The following CBLB variants were observed in gnomAD, a reference collection of about 807,000 sequenced individuals.
CBLB encodes the protein E3 ubiquitin-protein ligase CBL-B.
A neutral mutation model predicts 104.9 loss-of-function variants in CBLB; 31 were observed. The observed-to-expected ratio is 0.30, with a 90% CI of 0.22 to 0.40. The LOEUF (loss-of-function observed/expected upper bound fraction) is 0.40, where lower values mean the gene tolerates loss of function less well. Among genes scored for constraint, CBLB ranks in the 10% least tolerant of loss-of-function variants. The pLI, the probability that CBLB is intolerant of heterozygous loss-of-function variation, is 1.00. For synonymous variants in CBLB, 440 were observed against 422.6 expected, an observed-to-expected ratio of 1.04 and a Z score of -0.51; for missense variants, 1,062 against 1,214.6, an observed-to-expected ratio of 0.87 and a Z score of 1.87.
chr3:105,664,521 T>C (rs760188124), intron 18 of CBLB, among the ~76,000 whole-genome samples: 13 of 152,202 alleles, frequency 8.5e-5, no homozygotes, highest in Non-Finnish European at 1.8e-4. Flanking sequence ...ATGTTCCTTA[T>C]TGAAGATAGG....
intron 10 of CBLB, among the ~76,000 whole-genome samples, chr3:105,704,845 A>G (rs1400700334): frequency 6.6e-6 from 1 of 152,198 alleles, no homozygotes; most frequent in Non-Finnish European, 1.5e-5. Context: ...TGTCTGGTAG[A>G]TAAAGTAGCA....
intron 16 of CBLB, among the ~76,000 whole-genome samples, chr3:105,679,661 G>A (rs979913060): frequency 3.3e-5 from 5 of 151,680 alleles, no homozygotes; most frequent in East Asian, 3.9e-4. Flanking sequence ...CTGTAATCCT[G>A]GCTACTCGGG....
chr3:105,744,700 G>A (rs1290690579), intron 6 of CBLB, among the ~76,000 whole-genome samples: 3 of 152,076 alleles, frequency 2.0e-5, no homozygotes, highest in Non-Finnish European at 4.4e-5. Context: ...GGGAGACCAA[G>A]GTGGGCAGAT....
intron 13 of CBLB, 102 bp downstream of exon 13, chr3:105,693,392 A>T: frequency 1.4e-6 from 1 of 737,326 alleles, no homozygotes; most frequent in Non-Finnish European, 2.5e-6. Flanking sequence ...ACTATCAATG[A>T]CTTTCTATTC....
intron 9 of CBLB, among the ~76,000 whole-genome samples, chr3:105,722,369 T>A (rs544213278): frequency 6.6e-6 from 1 of 152,118 alleles, no homozygotes; most frequent in South Asian, 2.1e-4. Flanking sequence ...CACATAAAAT[T>A]TGAGGGAAAA....
chr3:105,795,028 C>T (rs182666845), intron 3 of CBLB, among the ~76,000 whole-genome samples: 3 of 152,094 alleles, frequency 2.0e-5, no homozygotes, highest in Admixed American at 2.0e-4. Context: ...ATTCCCCTGC[C>T]TCAGCCTCCC....
rs752129605 is a variant in CBLB at position 105,702,121 on chromosome 3, G to A, written c.1932C>T (p.Arg644=). ...SDPVLMRKHR[R]HDLPLEGAKV... Reference sequence around the variant, plus strand: ...TAGCTCCTTCTAAAGGCAAATCATGGCGTCTGTGTTTCCGCATAAGCACTG... The same window carrying A: ...TAGCTCCTTCTAAAGGCAAATCATGACGTCTGTGTTTCCGCATAAGCACTG... The change falls in exon 12 of 19, where the codon CGC becomes CGT. Residue 644 remains arginine (R), a synonymous_variant. Coordinates refer to ENST00000394030, the MANE Select transcript of CBLB (RefSeq NM_170662.5). 1.3e-5 allele frequency: 21 copies of A among 1,613,932 alleles called. No homozygotes were observed. Among genetic ancestry groups the A allele is most frequent in the East Asian group, 4.5e-5 (2 of 44,874 alleles).
intron 13 of CBLB, 120 bp from the exon 14 acceptor site, chr3:105,685,586 G>T: frequency 1.3e-6 from 1 of 796,182 alleles, no homozygotes; most frequent in Non-Finnish European, 2.1e-6. Flanking sequence ...TTCAATTACA[G>T]GGTATCATCA....
intron 2 of CBLB, among the ~76,000 whole-genome samples, chr3:105,865,303 C>G (rs887743002): frequency 6.6e-6 from 1 of 152,176 alleles, no homozygotes; most frequent in Non-Finnish European, 1.5e-5. Flanking sequence ...ATACTGAATT[C>G]TTTCATAATA....
Position 105,656,341 on chromosome 3 carries a change from T to A in CBLB, c.*2629A>T, listed in dbSNP as rs1390826445. The A allele has an allele frequency of 4.9e-6, 1 of 203,524 alleles. No homozygotes were observed. The highest frequency in any genetic ancestry group is 6.0e-5 in the Admixed American group (1 of 16,680). 12.6% of individuals were successfully genotyped at this position (203,524 alleles called of 1,614,324 possible). ...TGGAAGGAATGTCTAACTTTTTGGATCACAGTGAAACAAAGTCTGGATCAC... is the reference window on the plus strand; with the variant it reads ...TGGAAGGAATGTCTAACTTTTTGGAACACAGTGAAACAAAGTCTGGATCAC... On this transcript the variant is annotated 3_prime_UTR_variant, in exon 19 of 19. Coordinates refer to ENST00000394030, the MANE Select transcript of CBLB (RefSeq NM_170662.5).
chr3:105,702,040 C>T lies in CBLB; in HGVS notation c.1959+54G>A, dbSNP rs56063507. The T allele has an allele frequency of 2.8e-3, 4,443 of 1,597,816 alleles. 21 individuals carry two copies. Among genetic ancestry groups the T allele is most frequent in the Middle Eastern group, 0.013 (74 of 5,676 alleles). On this transcript the variant is annotated intron_variant, in intron 12 of 18. Coordinates refer to ENST00000394030, the MANE Select transcript of CBLB (RefSeq NM_170662.5). ...CTTCCCAACCTTTTATGCTACTGAC[C>T]ATCAGAAGCATTTATAAGCAGATTC...
In CBLB at chr3:105,700,529, C is replaced by T. The variant is rs768598992; in HGVS notation, c.1959+1565G>A. ...ATGAATGGCAGGTCCTTCCAATCAG[C>T]ATTCTAGGTTGTGGAAAAACTCTTT... On this transcript the variant is annotated intron_variant, in intron 12 of 18. Transcript: ENST00000394030. 7.8e-4 allele frequency among the ~76,000 whole-genome samples: 119 copies of T among 151,720 alleles called. 1 individual carries two copies. Among genetic ancestry groups the T allele is most frequent in the Non-Finnish European group, 2.8e-4 (19 of 67,932 alleles).
intron 6 of CBLB, among the ~76,000 whole-genome samples, chr3:105,745,431 G>T (rs955185657): frequency 1.3e-5 from 2 of 152,146 alleles, no homozygotes. Flanking sequence ...TCAAGGACAC[G>T]AAATTGGTTT....
chr3:105,811,166 T>A (rs994873246), intron 3 of CBLB, among the ~76,000 whole-genome samples: 1 of 152,166 alleles, frequency 6.6e-6, no homozygotes, highest in South Asian at 2.1e-4. Context: ...AAAACAAAAG[T>A]AGGATTTTAA....
chr3:105,665,191 T>A (rs2064237382), intron 18 of CBLB, among the ~76,000 whole-genome samples: 1 of 151,716 alleles, frequency 6.6e-6, no homozygotes, highest in African/African-American at 2.4e-5. Flanking sequence ...TCACCTGAGG[T>A]CAGGAATTCA....
At chr3:105,825,138 T>C (rs73857222) in intron 3 of CBLB, among the ~76,000 whole-genome samples, 20,008 of 152,188 alleles carry the variant, frequency 0.13, 1,571 homozygotes, top group East Asian at 0.41. Flanking sequence ...TATTCACTAC[T>C]AAATCCTTTG....
chr3:105,810,850 G>T (rs960119386), intron 3 of CBLB, among the ~76,000 whole-genome samples: 1 of 151,966 alleles, frequency 6.6e-6, no homozygotes, highest in South Asian at 2.1e-4. Flanking sequence ...ACTAAGTAAG[G>T]TTGCCTCCTG....
intron 10 of CBLB, among the ~76,000 whole-genome samples, chr3:105,704,848 A>T (rs2152791019): frequency 1.3e-5 from 2 of 152,284 alleles, no homozygotes; most frequent in South Asian, 4.1e-4. Context: ...CTGGTAGATA[A>T]AGTAGCATCG....
chr3:105,732,900 A>C (rs1210745357), intron 9 of CBLB, among the ~76,000 whole-genome samples: 1 of 152,166 alleles, frequency 6.6e-6, no homozygotes, highest in Non-Finnish European at 1.5e-5. Context: ...TAGAAAATTT[A>C]ATTATTTGCT....
Sources: gnomAD v4.1 joint callset for allele counts (sites outside exome capture counted in the v4.1 genomes callset) on GRCh38, gnomAD v4.1.1 for gene constraint, MANE v1.5 for transcripts, NCBI Gene and HGNC (gene_info 2026-07-23, HGNC 2026-07-21) for gene names.